The following USP34 variants were observed in gnomAD, a reference collection of about 807,000 sequenced individuals.
The protein encoded by USP34 is ubiquitin carboxyl-terminal hydrolase 34.
USP34 carries 70 observed loss-of-function variants against 460.3 expected under a neutral mutation model. That is an observed-to-expected ratio of 0.15 (90% CI 0.13 to 0.19). The LOEUF (loss-of-function observed/expected upper bound fraction) is 0.19. Ranked by LOEUF, USP34 falls within the 10% of genes least tolerant of loss-of-function variation. USP34 has a pLI of 1.00. For synonymous variants in USP34, 1,647 were observed against 1,405.3 expected, an observed-to-expected ratio of 1.17 and a Z score of -3.85; for missense variants, 3,985 against 4,236.2, an observed-to-expected ratio of 0.94 and a Z score of 1.65.
rs1688575988 is a variant in USP34, at chr2:61,251,315, AGAAT to A, written c.6222-2636_6222-2633del. Among the ~76,000 whole-genome samples the A allele has an allele frequency of 2.0e-5, 3 of 152,342 alleles. No individual in the cohort carries two copies. The South Asian group carries it at 6.2e-4, about 32-fold the overall frequency. On this transcript the variant is annotated intron_variant, in intron 48 of 79. Coordinates refer to ENST00000398571, the MANE Select transcript of USP34 (RefSeq NM_014709.4). Reference sequence around the variant, plus strand: ...TTCAGCTAAAAAACTATATTTCAAAAGAATGAATAACACTGATATTAAAATCACT... The same window carrying A: ...TTCAGCTAAAAAACTATATTTCAAAAGAATAACACTGATATTAAAATCACT...
At chr2:61,385,105 G>A (rs1693095604) in intron 5 of USP34, among the ~76,000 whole-genome samples, 2 of 151,848 alleles carry the variant, frequency 1.3e-5, no homozygotes, top group African/African-American at 4.8e-5. Context: ...TTGTTCCTGA[G>A]AACAAATAAT....
intron 74 of USP34, 21 bp downstream of exon 74, chr2:61,204,235 T>G: frequency 6.2e-7 from 1 of 1,613,964 alleles, no homozygotes; most frequent in Non-Finnish European, 8.5e-7. Context: ...CAACATGGAT[T>G]TTCCTGGCAT....
intron 5 of USP34, among the ~76,000 whole-genome samples, chr2:61,383,610 G>T (rs1398794509): frequency 6.6e-6 from 1 of 151,980 alleles, no homozygotes; most frequent in Non-Finnish European, 1.5e-5. Context: ...GGCTGAGGCA[G>T]GAGAATCGCT....
At chr2:61,236,812 A>G (rs560893933) in intron 53 of USP34, among the ~76,000 whole-genome samples, 2 of 152,284 alleles carry the variant, frequency 1.3e-5, no homozygotes, top group South Asian at 4.1e-4. Flanking sequence ...AATCATGAAA[A>G]ATTATTTCTG....
chr2:61,328,373 A>C (rs1341567793), intron 20 of USP34, among the ~76,000 whole-genome samples: 1 of 152,120 alleles, frequency 6.6e-6, no homozygotes, highest in Non-Finnish European at 1.5e-5. Context: ...GAAAAAATAA[A>C]AATATCATCT....
chr2:61,314,616 G>A lies in USP34; in HGVS notation c.3511C>T (p.Leu1171=). Residue 1171 remains leucine (L), a synonymous_variant, in exon 25 of 80, where the codon CTG becomes TTG. Transcript: ENST00000398571. Reference sequence around the variant, plus strand: ...CTAAACGCTTCCAGATGTGTCTTCAGCATAAGGAGTCCTCTTTCTATAACC... The same window carrying A: ...CTAAACGCTTCCAGATGTGTCTTCAACATAAGGAGTCCTCTTTCTATAACC... The part of the protein sequence containing the change: ...LMVIERGLLM[L]KTHLEAFRRR... 6.4e-7 allele frequency: 1 copy of A among 1,572,866 alleles called. No individual in the cohort carries two copies.
At chr2:61,444,223 G>A (rs987316486) in intron 1 of USP34, among the ~76,000 whole-genome samples, 19 of 151,986 alleles carry the variant, frequency 1.3e-4, no homozygotes, top group Non-Finnish European at 2.1e-4. Flanking sequence ...CTCCAGCCTG[G>A]GTGACAGAGC....
intron 25 of USP34, among the ~76,000 whole-genome samples, chr2:61,312,474 T>G (rs1690623954): frequency 6.6e-6 from 1 of 151,352 alleles, no homozygotes; most frequent in Non-Finnish European, 1.5e-5. Flanking sequence ...TTTCTAATTT[T>G]CAGATGTGGA....
At chr2:61,205,231 C>G (rs776321991) in intron 72 of USP34, among the ~76,000 whole-genome samples, 1 of 152,098 alleles carries the variant, frequency 6.6e-6, no homozygotes, top group South Asian at 2.1e-4. Flanking sequence ...GTTCAAAGTT[C>G]CTTTGCTTTG....
At chr2:61,466,281 C>A (rs1055309586) in intron 1 of USP34, among the ~76,000 whole-genome samples, 1 of 151,916 alleles carries the variant, frequency 6.6e-6, no homozygotes, top group African/African-American at 2.4e-5. Flanking sequence ...AAAAATTAGC[C>A]GGGCTTGGTG....
intron 62 of USP34, chr2:61,223,553 GA>G (rs1196775911): frequency 1.3e-5 from 5 of 384,962 alleles, no homozygotes; most frequent in Non-Finnish European, 2.3e-5. Context: ...AAAACAGTAG[GA>G]TGGGTCTTAT....
rs76792215 is a variant in USP34 at position 61,457,469 on chromosome 2, A to T, written c.43+13181T>A. 3.9e-5 allele frequency among the ~76,000 whole-genome samples: 6 copies of T among 152,360 alleles called. No homozygotes were observed. The East Asian group carries it at 1.2e-3, about 29-fold the overall frequency. On this transcript the variant is annotated intron_variant, in intron 1 of 79. Coordinates refer to ENST00000398571, the MANE Select transcript of USP34 (RefSeq NM_014709.4). Reference sequence around the variant, plus strand: ...TTTAAAGAAAAACTCTGTTTCTGCCAAAGAAACGGTTTTTTCTGGTCCTTG... The same window carrying T: ...TTTAAAGAAAAACTCTGTTTCTGCCTAAGAAACGGTTTTTTCTGGTCCTTG...
At chr2:61,245,063 T>C in intron 51 of USP34, 147 bp downstream of exon 51, 1 of 570,226 alleles carries the variant, frequency 1.8e-6, no homozygotes, top group Non-Finnish European at 3.1e-6. Flanking sequence ...GAGAACATAC[T>C]AAACTTCCAA....
chr2:61,374,477 G>C (rs1692730409), intron 8 of USP34, among the ~76,000 whole-genome samples: 1 of 152,190 alleles, frequency 6.6e-6, no homozygotes, highest in Non-Finnish European at 1.5e-5. Context: ...GCACATAGCA[G>C]TGAAAGATTA....
intron 1 of USP34, among the ~76,000 whole-genome samples, chr2:61,441,256 G>C (rs1193354915): frequency 1.3e-5 from 2 of 151,662 alleles, no homozygotes; most frequent in Non-Finnish European, 2.9e-5. Context: ...TCCTGCCTCG[G>C]CCTCCCAAAG....
In USP34 at chr2:61,344,043, A is replaced by G; in HGVS notation, c.2286-14T>C. On this transcript the variant is annotated splice_polypyrimidine_tract_variant and intron_variant, in intron 15 of 79. Coordinates refer to ENST00000398571, the MANE Select transcript of USP34 (RefSeq NM_014709.4). ...TCAACCATATGCCTACAAAACAGAG[A>G]AAAGCACAAAGTTAGTAATTACGAA... The G allele has an allele frequency of 1.2e-6, 2 of 1,609,612 alleles. No homozygotes were observed. The highest frequency in any genetic ancestry group is 1.1e-5 in the South Asian group (1 of 90,644).
rs1282016277 is a variant in USP34, at chr2:61,353,392, A to AT, written c.1252-2700dup. 4.8e-3 allele frequency among the ~76,000 whole-genome samples: 689 copies of AT among 143,900 alleles called. 14 individuals are homozygous for AT. Among genetic ancestry groups the AT allele is most frequent in the South Asian group, 0.011 (51 of 4,472 alleles). 94.4% of individuals were successfully genotyped at this position (143,900 alleles called of 152,430 possible). On this transcript the variant is annotated intron_variant, in intron 10 of 79. Transcript: ENST00000398571. ...TCCACCTGTTGCACTTCCTAGACGAATGTTTTTTTTTTTTTTTTTGAGACA... is the reference window on the plus strand; with the variant it reads ...TCCACCTGTTGCACTTCCTAGACGAATTGTTTTTTTTTTTTTTTTTGAGACA...
rs769578969 is a variant in USP34 at position 61,405,871 on chromosome 2, C to A, written c.389G>T (p.Arg130Ile). The A allele has an allele frequency of 1.2e-5, 19 of 1,613,746 alleles. No individual in the cohort carries two copies. The East Asian group carries it at 4.2e-4, about 36-fold the overall frequency. Reference protein sequence around the residue: ...KSIEKKSNSTRICNLTEEESS... With the variant: ...KSIEKKSNSTIICNLTEEESS... ...TTCCTCCTCAGTCAGATTACAAATT[C>A]TTGTAGAGTTTGATTTTTTTTCTAT... The change falls in exon 3 of 80, where the codon AGA becomes ATA. Residue 130 changes from arginine (R) to isoleucine (I), a missense_variant. Arg to Ile is a moderately conservative substitution (Grantham distance 97). Around this residue, in one of 14 missense-constraint regions of USP34, gnomAD observed 331 missense variants for 293.7 expected, o/e 1.13. Coordinates refer to ENST00000398571, the MANE Select transcript of USP34 (RefSeq NM_014709.4).
intron 18 of USP34, among the ~76,000 whole-genome samples, chr2:61,336,193 G>A (rs1392792641): frequency 1.3e-5 from 2 of 150,000 alleles, no homozygotes; most frequent in African/African-American, 2.5e-5. Flanking sequence ...TGCTCAGGCT[G>A]GAGTGCAGTG....
Sources: gnomAD v4.1 joint callset for allele counts (sites outside exome capture counted in the v4.1 genomes callset) on GRCh38, gnomAD v4.1.1 for gene constraint, gnomAD v4.1.1 regional missense constraint, MANE v1.5 for transcripts, NCBI Gene and HGNC (gene_info 2026-07-23, HGNC 2026-07-21) for gene names.